Variants in TMEM236 observed in about 807,000 individuals in gnomAD.
TMEM236 encodes the protein family with sequence similarity 23, member A.
A neutral mutation model predicts 14.7 loss-of-function variants in TMEM236; 11 were observed. That is an observed-to-expected ratio of 0.75 (90% confidence interval 0.47 to 1.24). The LOEUF is 1.24. Ranked by LOEUF, TMEM236 falls within the 50% of genes most tolerant of loss-of-function variation. The pLI is 0.00. For missense variants in TMEM236, 464 were observed against 427.3 expected, an observed-to-expected ratio of 1.09 and a Z score of -0.76; for synonymous variants, 182 against 168.6, an observed-to-expected ratio of 1.08 and a Z score of -0.62.
chr10:17,765,455 A>T (rs969950577), intron 1 of TMEM236, among the ~76,000 whole-genome samples: 1 of 152,110 alleles, frequency 6.6e-6, no homozygotes, highest in Non-Finnish European at 1.5e-5. Flanking sequence ...CTTTCCCTCA[A>T]AATCATCCAA....
chr10:17,791,754 C>A (rs1276729416), intron 3 of TMEM236, among the ~76,000 whole-genome samples: 1 of 152,192 alleles, frequency 6.6e-6, no homozygotes, highest in Non-Finnish European at 1.5e-5. Context: ...ACTGTCAGGT[C>A]TCAGACGAGC....
At position 17,798,255 on chromosome 10, in the gene TMEM236, A is replaced by T. The variant is rs1246581171; in HGVS notation, c.*1751A>T. On this transcript the variant is annotated 3_prime_UTR_variant, in exon 4 of 4. Transcript: ENST00000377495. ...AGAATGAAGCTTAAGAATTTGACAT[A>T]TGGCCGGCTGTGGTGGCTCACACGT... The T allele has an allele frequency of 4.3e-6, 1 of 230,804 alleles. No individual in the cohort carries two copies. Among genetic ancestry groups the T allele is most frequent in the East Asian group, 1.2e-4 (1 of 8,472 alleles). 14.3% of individuals were successfully genotyped at this position (230,804 alleles called of 1,614,324 possible).
chr10:17,790,536 C>T (rs1193100474), intron 3 of TMEM236, among the ~76,000 whole-genome samples: 1 of 152,052 alleles, frequency 6.6e-6, no homozygotes, highest in Admixed American at 6.5e-5. Flanking sequence ...GACCATGTCT[C>T]TAAAGTAAAT....
At chr10:17,785,049 G>A (rs891449025) in intron 3 of TMEM236, among the ~76,000 whole-genome samples, 10 of 152,220 alleles carry the variant, frequency 6.6e-5, no homozygotes, top group Non-Finnish European at 1.3e-4. Flanking sequence ...TTGGGAGTTC[G>A]CAGAGCAGGA....
intron 1 of TMEM236, among the ~76,000 whole-genome samples, chr10:17,753,186 G>A (rs1289794052): frequency 1.3e-5 from 2 of 152,050 alleles, no homozygotes; most frequent in South Asian, 2.1e-4. Context: ...GAGCCAACAC[G>A]CCCAGCCTGT....
chr10:17,773,030 T>C (rs1007269113), intron 2 of TMEM236, among the ~76,000 whole-genome samples: 1 of 152,222 alleles, frequency 6.6e-6, no homozygotes, highest in African/African-American at 2.4e-5. Context: ...CTGTAGAGTA[T>C]TACATTTTAT....
chr10:17,772,673 A>T (rs1211755421), intron 2 of TMEM236, among the ~76,000 whole-genome samples: 1 of 152,242 alleles, frequency 6.6e-6, no homozygotes, highest in Non-Finnish European at 1.5e-5. Flanking sequence ...GTAACAATGG[A>T]ATACCACAAA....
Position 17,752,524 on chromosome 10 carries a change from C to T in TMEM236, c.229C>T (p.Arg77Cys), listed in dbSNP as rs1007107721. ...VPVKVILHKK[R>C]YIYRKIKGWR... ...TGTAAAAGTTATCCTGCACAAGAAA[C>T]GTTATATTTACAGAAAAATTAAAGG... The change falls in exon 1 of 4, where the codon CGT becomes TGT. Residue 77 changes from arginine (R) to cysteine (C), a missense_variant. By Grantham distance (180) the Arg-to-Cys change is radical (BLOSUM62 -3). Transcript: ENST00000377495. 3.9e-5 allele frequency: 63 copies of T among 1,613,806 alleles called. No homozygotes were observed. The highest frequency in any genetic ancestry group is 5.0e-5 in the Admixed American group (3 of 59,996).
At chr10:17,795,613 G>T (rs960982440) in intron 3 of TMEM236, among the ~76,000 whole-genome samples, 39 of 152,058 alleles carry the variant, frequency 2.6e-4, no homozygotes, top group Non-Finnish European at 1.8e-4. Context: ...GGGTAAAATC[G>T]GCCTCAAATA....
At position 17,800,762 on chromosome 10, in the gene TMEM236, T is replaced by C. The variant is rs1838081673; in HGVS notation, c.*4258T>C. The C allele has an allele frequency of 6.6e-6, 1 of 152,178 alleles. No individual in the cohort carries two copies. The highest frequency in any genetic ancestry group is 2.4e-5 in the African/African-American group (1 of 41,428). 9.4% of individuals were successfully genotyped at this position (152,178 alleles called of 1,614,324 possible). ...CTTAAAAATGGCTACTTATACTCCATAGAAGATATAGTAAATAATAGAAGA... is the reference window on the plus strand; with the variant it reads ...CTTAAAAATGGCTACTTATACTCCACAGAAGATATAGTAAATAATAGAAGA... On this transcript the variant is annotated 3_prime_UTR_variant, in exon 4 of 4. Coordinates refer to ENST00000377495, the MANE Select transcript of TMEM236 (RefSeq NM_001098844.3).
In TMEM236 at chr10:17,798,350, GC is replaced by G. The variant is rs1198792526; in HGVS notation, c.*1847del. 5.7e-6 allele frequency: 2 copies of G among 348,076 alleles called. No individual in the cohort carries two copies. The highest frequency in any genetic ancestry group is 4.3e-5 in the African/African-American group (2 of 46,462). 21.6% of individuals were successfully genotyped at this position (348,076 alleles called of 1,614,324 possible). On this transcript the variant is annotated 3_prime_UTR_variant, in exon 4 of 4. Coordinates refer to ENST00000377495, the MANE Select transcript of TMEM236 (RefSeq NM_001098844.3). Reference sequence around the variant, plus strand: ...GTCCAGGAGTCTGAGACCAGCCTGGGCAACATGGAGAGATTCTACCTCTACA... The same window carrying G: ...GTCCAGGAGTCTGAGACCAGCCTGGGAACATGGAGAGATTCTACCTCTACA...
In TMEM236 at chr10:17,797,269, A is replaced by G. The variant is rs2130542585; in HGVS notation, c.*765A>G. 1 of 152,002 alleles carries G rather than the reference A, an allele frequency of 6.6e-6. No individual in the cohort carries two copies. Among genetic ancestry groups the G allele is most frequent in the South Asian group, 2.1e-4 (1 of 4,814 alleles). 9.4% of individuals were successfully genotyped at this position (152,002 alleles called of 1,614,324 possible). ...TTTAGTTTTAAAAAACACACTTGAA[A>G]TTATTGAATAATTTTTAGGTTATAC... On this transcript the variant is annotated 3_prime_UTR_variant, in exon 4 of 4. Transcript: ENST00000377495.
In TMEM236 at chr10:17,796,336, G is replaced by A. The variant is rs1175093828; in HGVS notation, c.888G>A (p.Leu296=). The part of the protein sequence containing the change: ...NPLLNSLSVL[L]QDLPFVFVRL... ...TTCTCAATTCCCTGAGCGTCCTGCT[G>A]CAAGATTTACCATTCGTTTTTGTTA... The change falls in exon 4 of 4, where the codon CTG becomes CTA. Residue 296 remains leucine (L), a synonymous_variant. Coordinates refer to ENST00000377495, the MANE Select transcript of TMEM236 (RefSeq NM_001098844.3). The A allele has an allele frequency of 1.9e-6, 3 of 1,613,786 alleles. No individual in the cohort carries two copies. The highest frequency in any genetic ancestry group is 2.7e-5 in the African/African-American group (2 of 74,900).
intron 3 of TMEM236, among the ~76,000 whole-genome samples, chr10:17,793,711 G>A (rs1291942423): frequency 1.3e-5 from 2 of 152,116 alleles, no homozygotes; most frequent in African/African-American, 2.4e-5. Flanking sequence ...TCGAACTTCT[G>A]AACTCAGGTG....
chr10:17,770,187 G>A (rs1837546156), intron 1 of TMEM236, among the ~76,000 whole-genome samples: 1 of 152,068 alleles, frequency 6.6e-6, no homozygotes, highest in African/African-American at 2.4e-5. Context: ...TATGACTGTG[G>A]AGAAATTAAT....
chr10:17,778,618 G>C (rs1837696112), intron 3 of TMEM236, among the ~76,000 whole-genome samples: 1 of 152,132 alleles, frequency 6.6e-6, no homozygotes, highest in African/African-American at 2.4e-5. Context: ...GGAAATGTGG[G>C]AAAAGTGAAT....
At chr10:17,771,251 A>G in intron 1 of TMEM236, 58 bp from the exon 2 acceptor site, 1 of 1,514,066 alleles carries the variant, frequency 6.6e-7, no homozygotes, top group South Asian at 1.1e-5. Flanking sequence ...AGCAAAATGT[A>G]AGAGGAACTG....
chr10:17,756,853 T>C (rs34808693), intron 1 of TMEM236, among the ~76,000 whole-genome samples: 15,689 of 152,248 alleles, frequency 0.1, 1,024 homozygotes, highest in African/African-American at 0.18. Context: ...CCTTAGTGCA[T>C]GTGGTATACC....
chr10:17,781,450 G>C (rs1040818346), intron 3 of TMEM236, among the ~76,000 whole-genome samples: 1 of 151,874 alleles, frequency 6.6e-6, no homozygotes, highest in Non-Finnish European at 1.5e-5. Flanking sequence ...CTAAAAATTT[G>C]CATGCAGCCC....
Sources: gnomAD v4.1 joint callset for allele counts (sites outside exome capture counted in the v4.1 genomes callset) on GRCh38, gnomAD v4.1.1 for gene constraint, MANE v1.5 for transcripts, NCBI Gene and HGNC (gene_info 2026-07-23, HGNC 2026-07-21) for gene names.